KCNN2: variants seen among roughly 807,000 people sequenced by gnomAD.
KCNN2 encodes the protein small conductance calcium-activated potassium channel protein 2.
A neutral mutation model predicts 55.5 loss-of-function variants in KCNN2; 24 were observed. The ratio of observed to expected loss-of-function variants is 0.43; its 90% CI spans 0.31 to 0.61. KCNN2 has a LOEUF of 0.61. Among genes scored for constraint, KCNN2 ranks in the 20% least tolerant of loss-of-function variants. The pLI, the probability that KCNN2 is intolerant of heterozygous loss-of-function variation, is 0.08. For missense variants in KCNN2, 754 were observed against 853.6 expected (o/e 0.88, Z 1.45); for synonymous variants, 431 against 336.1 (o/e 1.28, Z -3.09).
chr5:114,359,827 C>T (rs1757369847), upstream of KCNN2, among the ~76,000 whole-genome samples: 1 of 152,188 alleles, frequency 6.6e-6, no homozygotes, highest in South Asian at 2.1e-4. Flanking sequence ...GATGGATTTT[C>T]CGCATGAGTT....
intron 2 of KCNN2, among the ~76,000 whole-genome samples, chr5:114,356,893 G>C (rs1757303009): frequency 6.6e-6 from 1 of 152,096 alleles, no homozygotes; most frequent in South Asian, 2.1e-4. Context: ...AATTATTACT[G>C]TGCTAAGGAA....
chr5:114,441,188 TATAAA>T (rs1289038553), intron 3 of KCNN2, among the ~76,000 whole-genome samples: 3 of 152,162 alleles, frequency 2.0e-5, no homozygotes, highest in Admixed American at 6.6e-5. Flanking sequence ...CCTCAAAATA[TATAAA>T]ATAAAACAGT....
chr5:114,057,277 A>G (rs1419129127), intron 1 of KCNN2: 7 of 152,228 alleles, frequency 4.6e-5, no homozygotes, highest in Non-Finnish European at 7.4e-5. Context: ...TGTTTGTGGT[A>G]TTGTTCTAAG....
intron 2 of KCNN2, among the ~76,000 whole-genome samples, chr5:114,371,021 G>C (rs1345444202): frequency 6.6e-6 from 1 of 152,180 alleles, no homozygotes; most frequent in Admixed American, 6.5e-5. Context: ...AGCAGCCATA[G>C]AGATGAGGAG....
chr5:114,480,336 C>T (rs769262201), intron 5 of KCNN2, among the ~76,000 whole-genome samples: 9 of 152,044 alleles, frequency 5.9e-5, no homozygotes, highest in Admixed American at 5.9e-4. Flanking sequence ...CTGAATAGAC[C>T]AATAATGAGT....
At chr5:114,348,481 C>T (rs189180312) in intron 2 of KCNN2, among the ~76,000 whole-genome samples, 243 of 152,234 alleles carry the variant, frequency 1.6e-3, no homozygotes, top group Non-Finnish European at 2.6e-3. Context: ...TTTAGTCCCA[C>T]TTTTTTCTTG....
chr5:114,341,675 A>G (rs905714889), intron 2 of KCNN2, among the ~76,000 whole-genome samples: 3 of 152,160 alleles, frequency 2.0e-5, no homozygotes, highest in African/African-American at 7.2e-5. Context: ...AAATACTATG[A>G]AAAATAAAAA....
intron 3 of KCNN2, among the ~76,000 whole-genome samples, chr5:114,433,288 C>T (rs1039670322): frequency 1.8e-4 from 28 of 152,110 alleles, no homozygotes; most frequent in African/African-American, 5.1e-4. Flanking sequence ...ATGCACCAAT[C>T]GACACTGTAT....
At chr5:114,230,276 TTTC>T (rs1267095627) in intron 2 of KCNN2, among the ~76,000 whole-genome samples, 19 of 86,196 alleles carry the variant, frequency 2.2e-4, no homozygotes, top group East Asian at 1.3e-3. Context: ...TCTTTTTTTT[TTTC>T]TTTCTTTCTT....
chr5:114,467,697 A>AAAAAAATGTCTTAAATAT (rs1761522220), intron 4 of KCNN2, among the ~76,000 whole-genome samples: 2 of 151,986 alleles, frequency 1.3e-5, no homozygotes, highest in African/African-American at 2.4e-5. Flanking sequence ...AGTGGATCGC[A>AAAAAAATGTCTTAAATAT]AAAAAATGTC....
Position 114,450,810 on chromosome 5 carries a change from T to G in KCNN2, c.1638-12239T>G, listed in dbSNP as rs541742494. 5.0e-4 allele frequency among the ~76,000 whole-genome samples: 76 copies of G among 152,336 alleles called. 1 individual carries two copies. In the South Asian group the frequency reaches 0.012, roughly 23 times the overall value. ...GGGATGCTGTGTATCTGTTACGCAT[T>G]TAACAAAACACTGTTCTACATCCCA... On this transcript the variant is annotated intron_variant, in intron 3 of 7. Coordinates refer to ENST00000673685, the MANE Select transcript of KCNN2 (RefSeq NM_021614.4).
At chr5:114,231,852 GT>G (rs70976321) in intron 2 of KCNN2, among the ~76,000 whole-genome samples, 5 of 148,018 alleles carry the variant, frequency 3.4e-5, no homozygotes, top group East Asian at 2.0e-4. Context: ...AAAATGCCTT[GT>G]TTTTTTTTTC....
rs1365160028 is a variant in KCNN2, at chr5:114,404,377, C to T, written c.1219-61C>T. ...ATCTGTTGTGTGTTTTTAAAATCTG[C>T]ACTAACACTTGTGGACCATTCATGC... On this transcript the variant is annotated intron_variant, in intron 2 of 7. Transcript: ENST00000673685. The T allele has an allele frequency of 3.0e-6, 4 of 1,346,284 alleles. No homozygotes were observed. In the African/African-American group the frequency reaches 4.4e-5, roughly 15 times the overall value. The allele number at this position is 1,346,284 out of a possible 1,614,324, so 83.4% of individuals were successfully genotyped here.
At chr5:114,210,244 A>T (rs1227888747) in intron 1 of KCNN2, among the ~76,000 whole-genome samples, 2 of 152,156 alleles carry the variant, frequency 1.3e-5, no homozygotes, top group Non-Finnish European at 2.9e-5. Context: ...TTCAGGCATG[A>T]GTTCTAGTGC....
intron 1 of KCNN2, among the ~76,000 whole-genome samples, chr5:114,218,087 A>T (rs1167648694): frequency 6.6e-6 from 1 of 152,242 alleles, no homozygotes; most frequent in Non-Finnish European, 1.5e-5. Flanking sequence ...CAGAATGCTG[A>T]CAATACCAAA....
At chr5:114,379,707 A>G (rs1452256149) in intron 2 of KCNN2, among the ~76,000 whole-genome samples, 1 of 124,370 alleles carries the variant, frequency 8.0e-6, no homozygotes, top group African/African-American at 3.5e-5. Context: ...TATAGAATAT[A>G]TTATATAACA....
At chr5:114,405,171 A>G (rs1250405916) in intron 3 of KCNN2, among the ~76,000 whole-genome samples, 1 of 152,182 alleles carries the variant, frequency 6.6e-6, no homozygotes, top group Non-Finnish European at 1.5e-5. Flanking sequence ...TTTAATGGTA[A>G]TATTGAGTCA....
At chr5:114,162,434 G>A (rs1459888148) in intron 1 of KCNN2, among the ~76,000 whole-genome samples, 3 of 152,176 alleles carry the variant, frequency 2.0e-5, no homozygotes, top group African/African-American at 7.2e-5. Flanking sequence ...CTCCCAGTTA[G>A]GCTACTCAGG....
intron 2 of KCNN2, among the ~76,000 whole-genome samples, chr5:114,291,908 T>G (rs1008850655): frequency 6.6e-6 from 1 of 152,296 alleles, no homozygotes; most frequent in African/African-American, 2.4e-5. Context: ...TGGTATCTCA[T>G]TGTGGTTTTG....
Sources: gnomAD v4.1 joint callset for allele counts (sites outside exome capture counted in the v4.1 genomes callset) on GRCh38, gnomAD v4.1.1 for gene constraint, MANE v1.5 for transcripts, NCBI Gene and HGNC (gene_info 2026-07-23, HGNC 2026-07-21) for gene names.